GLP2R: variants seen among roughly 807,000 people sequenced by gnomAD.
GLP2R encodes glucagon-like peptide 2 receptor.
GLP2R carries 59 observed loss-of-function variants against 68.2 expected under a neutral mutation model. The ratio of observed to expected loss-of-function variants is 0.87; its 90% CI spans 0.70 to 1.07. The LOEUF (loss-of-function observed/expected upper bound fraction) is 1.07, where lower values mean the gene tolerates loss of function less well. Among genes scored for constraint, GLP2R ranks in the 50% least tolerant of loss-of-function variants. The pLI is 0.00. For missense variants in GLP2R, 548 were observed against 677.4 expected (o/e 0.81, Z 2.12); for synonymous variants, 270 against 265.4 (o/e 1.02, Z -0.17).
At chr17:9,871,139 A>G (rs2067088738) in intron 10 of GLP2R, among the ~76,000 whole-genome samples, 2 of 152,134 alleles carry the variant, frequency 1.3e-5, no homozygotes, top group Non-Finnish European at 1.5e-5. Context: ...AGGCTGGGAC[A>G]AGAGGATTAC....
intron 9 of GLP2R, among the ~76,000 whole-genome samples, 178 bp from the exon 10 acceptor site, chr17:9,870,569 T>A (rs1318186990): frequency 6.6e-6 from 1 of 152,150 alleles, no homozygotes; most frequent in African/African-American, 2.4e-5. Flanking sequence ...GAGATTCAGA[T>A]GGCCTTTAGG....
intron 1 of GLP2R, among the ~76,000 whole-genome samples, chr17:9,826,502 C>T (rs968268883): frequency 6.6e-6 from 1 of 151,926 alleles, no homozygotes; most frequent in Non-Finnish European, 1.5e-5. Context: ...CATGTTGTGT[C>T]CTGGTCCCCC....
intron 4 of GLP2R, among the ~76,000 whole-genome samples, chr17:9,845,740 T>TGTGTGC (rs1204326494): frequency 6.3e-5 from 7 of 111,664 alleles, no homozygotes; most frequent in African/African-American, 1.4e-4. Flanking sequence ...GATTTATGTG[T>TGTGTGC]GTGTGTGCGT....
chr17:9,876,255 T>G lies in GLP2R; in HGVS notation c.1146-4123T>G, dbSNP rs373846219. ...GATAGGCAATGTAGGAAACAAAAGC[T>G]TTTCCTTAACCCTCTTAGGGTCCCT... On this transcript the variant is annotated intron_variant, in intron 10 of 12. Coordinates refer to ENST00000262441, the MANE Select transcript of GLP2R (RefSeq NM_004246.3). Among the ~76,000 whole-genome samples the G allele has an allele frequency of 3.0e-4, 46 of 152,322 alleles. No individual in the cohort carries two copies. In the East Asian group the frequency reaches 6.0e-3, roughly 20 times the overall value.
chr17:9,855,915 T>C (rs957351034), intron 5 of GLP2R, among the ~76,000 whole-genome samples: 1 of 152,190 alleles, frequency 6.6e-6, no homozygotes, highest in Non-Finnish European at 1.5e-5. Context: ...ATGGACCCAC[T>C]AGAAAGCTCT....
chr17:9,860,193 G>A, intron 7 of GLP2R, 92 bp downstream of exon 7: 3 of 1,239,790 alleles, frequency 2.4e-6, no homozygotes. Context: ...AAACCTAACT[G>A]GAGGTTGCTT....
intron 6 of GLP2R, among the ~76,000 whole-genome samples, chr17:9,858,729 TAACTGTTCG>T (rs1253225663): frequency 6.6e-6 from 1 of 152,250 alleles, no homozygotes; most frequent in Admixed American, 6.5e-5. Context: ...CTATTTCATC[TAACTGTTCG>T]AATTTATTGG....
chr17:9,853,603 A>G (rs2066911281), intron 4 of GLP2R, among the ~76,000 whole-genome samples: 1 of 152,246 alleles, frequency 6.6e-6, no homozygotes, highest in Non-Finnish European at 1.5e-5. Flanking sequence ...CCTTTTTGCC[A>G]ATAATTTCTA....
intron 9 of GLP2R, among the ~76,000 whole-genome samples, chr17:9,869,582 A>G (rs2067073381): frequency 6.6e-6 from 1 of 152,258 alleles, no homozygotes; most frequent in African/African-American, 2.4e-5. Context: ...CTGGAGGATC[A>G]GCTCCCAAGG....
chr17:9,831,139 C>A (rs527477211), intron 1 of GLP2R, among the ~76,000 whole-genome samples: 6 of 152,304 alleles, frequency 3.9e-5, no homozygotes, highest in African/African-American at 1.2e-4. Context: ...ACCAGTCCTA[C>A]CTCATTCTTT....
chr17:9,887,911 C>A, intron 11 of GLP2R, 21 bp from the exon 12 acceptor site: 1 of 1,598,394 alleles, frequency 6.3e-7, no homozygotes, highest in East Asian at 2.2e-5. Context: ...GATTTTATGC[C>A]ATGTCCTCCT....
chr17:9,885,436 G>A (rs2067235313), intron 11 of GLP2R, among the ~76,000 whole-genome samples: 2 of 151,770 alleles, frequency 1.3e-5, no homozygotes, highest in Admixed American at 6.6e-5. Flanking sequence ...TGTGATTTTC[G>A]GCTGGGGCTG....
intron 5 of GLP2R, among the ~76,000 whole-genome samples, chr17:9,856,692 A>T (rs8077020): frequency 0.012 from 1,843 of 152,316 alleles, 41 homozygotes; most frequent in African/African-American, 0.042. Context: ...TGGGAGACCT[A>T]TGCTTTGGCC....
intron 4 of GLP2R, among the ~76,000 whole-genome samples, chr17:9,848,751 C>T (rs1378670529): frequency 1.3e-5 from 2 of 151,872 alleles, no homozygotes; most frequent in Non-Finnish European, 2.9e-5. Flanking sequence ...CCAAAAAAGG[C>T]CAGTGTTAGT....
chr17:9,841,260 T>C (rs1272153155), intron 3 of GLP2R, among the ~76,000 whole-genome samples: 2 of 151,048 alleles, frequency 1.3e-5, no homozygotes, highest in African/African-American at 4.9e-5. Context: ...ACTCCTGACC[T>C]CAGGTGATCC....
chr17:9,851,568 G>T (rs952430593), intron 4 of GLP2R, among the ~76,000 whole-genome samples: 25 of 152,134 alleles, frequency 1.6e-4, no homozygotes, highest in Admixed American at 8.5e-4. Context: ...AGATTGTAGG[G>T]ATCTAGATGA....
chr17:9,863,203 T>C lies in GLP2R; in HGVS notation c.1056+1113T>C, dbSNP rs139109751. ...TGCCACATCCTCCTGCCCTCCACAGTCCTCTCTCCAGCCACACTGCCCAGC... is the reference window on the plus strand; with the variant it reads ...TGCCACATCCTCCTGCCCTCCACAGCCCTCTCTCCAGCCACACTGCCCAGC... On this transcript the variant is annotated intron_variant, in intron 9 of 12. Transcript: ENST00000262441. Among the ~76,000 whole-genome samples, 3 of 152,212 alleles carry C rather than the reference T, an allele frequency of 2.0e-5. No homozygotes were observed. In the East Asian group the frequency reaches 5.8e-4, roughly 29 times the overall value.
At chr17:9,842,213 T>C (rs1279352951) in intron 3 of GLP2R, among the ~76,000 whole-genome samples, 1 of 152,222 alleles carries the variant, frequency 6.6e-6, no homozygotes, top group East Asian at 1.9e-4. Context: ...CCAGCTGGGC[T>C]GAACCTTGGA....
intron 2 of GLP2R, among the ~76,000 whole-genome samples, chr17:9,835,025 C>CT (rs35950679): frequency 0.023 from 1,888 of 83,172 alleles, 47 homozygotes; most frequent in African/African-American, 0.044. Flanking sequence ...GAAACCTGGC[C>CT]TTTTTTTTTT....
Sources: gnomAD v4.1 joint callset for allele counts (sites outside exome capture counted in the v4.1 genomes callset) on GRCh38, gnomAD v4.1.1 for gene constraint, MANE v1.5 for transcripts, NCBI Gene and HGNC (gene_info 2026-07-23, HGNC 2026-07-21) for gene names.